The following OSBPL10 variants were observed in gnomAD, a reference collection of about 807,000 sequenced individuals.
The protein encoded by OSBPL10 is oxysterol-binding protein-related protein 10.
OSBPL10 carries 49 observed loss-of-function variants against 81.7 expected under a neutral mutation model. The observed-to-expected ratio is 0.60, with a 90% CI of 0.48 to 0.76. OSBPL10 has a LOEUF of 0.76. Among genes scored for constraint, OSBPL10 ranks in the 30% least tolerant of loss-of-function variants. The pLI is 0.00. For synonymous variants in OSBPL10, 419 were observed against 383.6 expected (o/e 1.09, Z -1.08); for missense variants, 923 against 987.8 (o/e 0.93, Z 0.88).
intron 2 of OSBPL10, among the ~76,000 whole-genome samples, chr3:31,992,416 C>T (rs917386857): frequency 6.6e-6 from 1 of 152,038 alleles, no homozygotes; most frequent in Non-Finnish European, 1.5e-5. Flanking sequence ...ATGGGTCTTA[C>T]ATGGTAAAAT....
intron 1 of OSBPL10, among the ~76,000 whole-genome samples, chr3:31,911,546 T>A (rs1696577346): frequency 6.6e-6 from 1 of 151,534 alleles, no homozygotes; most frequent in South Asian, 2.1e-4. Flanking sequence ...TGGACCACAT[T>A]GGAAGAAGAA....
At chr3:32,002,675 A>C (rs1246349536) in intron 2 of OSBPL10, among the ~76,000 whole-genome samples, 1 of 152,192 alleles carries the variant, frequency 6.6e-6, no homozygotes, top group African/African-American at 2.4e-5. Flanking sequence ...TTCAAACAGC[A>C]ATGTTTCTGA....
intron 4 of OSBPL10, among the ~76,000 whole-genome samples, chr3:31,757,564 G>A (rs1230205074): frequency 6.6e-6 from 1 of 152,152 alleles, no homozygotes; most frequent in African/African-American, 2.4e-5. Flanking sequence ...CTTTGTCTGT[G>A]GTACTTTGTT....
chr3:31,921,850 G>A (rs1696926356), intron 1 of OSBPL10, among the ~76,000 whole-genome samples: 1 of 152,314 alleles, frequency 6.6e-6, no homozygotes, highest in African/African-American at 2.4e-5. Context: ...AAGGTCAACA[G>A]CAACAATTAC....
chr3:31,987,702 C>T (rs1324296440), intron 2 of OSBPL10, among the ~76,000 whole-genome samples: 1 of 152,134 alleles, frequency 6.6e-6, no homozygotes, highest in Non-Finnish European at 1.5e-5. Flanking sequence ...GAGAGGAAGC[C>T]GGAAGGACCT....
chr3:31,696,789 C>CA, intron 7 of OSBPL10, among the ~76,000 whole-genome samples: 1 of 152,342 alleles, frequency 6.6e-6, no homozygotes, highest in East Asian at 1.9e-4. Flanking sequence ...TGACCACCAT[C>CA]TATACATTGT....
chr3:31,879,767 G>A lies in OSBPL10; in HGVS notation c.345C>T (p.His115=), dbSNP rs142248905. ...LQYFVNEQSK[H]QKPRGVLSLS... ...AAGACAGGACTCCTCGAGGCTTCTG[G>A]TGTTTGCTTTGCTCATTCACAAAAT... The change falls in exon 2 of 12, where the codon CAC becomes CAT. Residue 115 remains histidine, a synonymous_variant. Coordinates refer to ENST00000396556, the MANE Select transcript of OSBPL10 (RefSeq NM_017784.5). The A allele has an allele frequency of 6.2e-7, 1 of 1,614,178 alleles. No homozygotes were observed. The highest frequency in any genetic ancestry group is 8.5e-7 in the Non-Finnish European group (1 of 1,180,038).
At chr3:31,760,779 A>G (rs1457930413) in intron 4 of OSBPL10, among the ~76,000 whole-genome samples, 1 of 152,212 alleles carries the variant, frequency 6.6e-6, no homozygotes. Context: ...AATACTATTT[A>G]AAATACTGCA....
intron 1 of OSBPL10, among the ~76,000 whole-genome samples, chr3:31,909,982 CTTTTT>C (rs563373548): frequency 2.3e-5 from 3 of 129,298 alleles, no homozygotes; most frequent in Non-Finnish European, 4.8e-5. Context: ...GTCTCCTGGC[CTTTTT>C]TTTTTTTTTT....
At chr3:32,054,315 G>T (rs539175343) in intron 1 of OSBPL10, among the ~76,000 whole-genome samples, 1 of 151,922 alleles carries the variant, frequency 6.6e-6, no homozygotes, top group African/African-American at 2.4e-5. Flanking sequence ...TGGCTTATTT[G>T]GTATAAAAAT....
intron 1 of OSBPL10, among the ~76,000 whole-genome samples, chr3:32,056,590 T>C (rs1419851192): frequency 6.6e-6 from 1 of 152,240 alleles, no homozygotes; most frequent in Non-Finnish European, 1.5e-5. Context: ...TTGCCATACC[T>C]ACACTTTCTG....
At chr3:31,829,133 C>T (rs1195343105) in intron 4 of OSBPL10, among the ~76,000 whole-genome samples, 1 of 152,134 alleles carries the variant, frequency 6.6e-6, no homozygotes, top group Non-Finnish European at 1.5e-5. Flanking sequence ...CGGCAAGACC[C>T]TAGTCGAGGA....
upstream of OSBPL10, among the ~76,000 whole-genome samples, chr3:31,984,348 G>A (rs1002568650): frequency 6.9e-6 from 1 of 145,546 alleles, no homozygotes; most frequent in South Asian, 2.2e-4. Context: ...CCCACCTAAG[G>A]TTTTTTTTTT....
chr3:31,928,433 C>T (rs931357233), intron 1 of OSBPL10, among the ~76,000 whole-genome samples: 3 of 151,916 alleles, frequency 2.0e-5, no homozygotes, highest in African/African-American at 7.3e-5. Context: ...ACTCTTGATT[C>T]GGAGGACACA....
intron 7 of OSBPL10, among the ~76,000 whole-genome samples, chr3:31,690,672 C>T (rs1342691776): frequency 2.0e-5 from 3 of 152,110 alleles, no homozygotes; most frequent in Non-Finnish European, 2.9e-5. Flanking sequence ...TTTAAAATGA[C>T]GTGGCTTTGT....
At chr3:32,071,170 C>T (rs1440837605) in intron 1 of OSBPL10, among the ~76,000 whole-genome samples, 1 of 152,176 alleles carries the variant, frequency 6.6e-6, no homozygotes, top group Non-Finnish European at 1.5e-5. Context: ...TGTTACCTAC[C>T]TAAGTATAGT....
intron 1 of OSBPL10, among the ~76,000 whole-genome samples, chr3:31,911,808 T>G (rs1374571338): frequency 1.3e-5 from 2 of 152,134 alleles, no homozygotes; most frequent in East Asian, 3.9e-4. Flanking sequence ...AAGTTAGTCA[T>G]TCTCCTTCCA....
intron 3 of OSBPL10, among the ~76,000 whole-genome samples, chr3:31,840,418 G>T (rs1700463501): frequency 6.6e-6 from 1 of 152,222 alleles, no homozygotes. Flanking sequence ...ACGCCTACTT[G>T]TGTTTCCAAA....
chr3:31,787,007 A>G (rs1344726280), intron 4 of OSBPL10, among the ~76,000 whole-genome samples: 1 of 152,192 alleles, frequency 6.6e-6, no homozygotes, highest in Non-Finnish European at 1.5e-5. Flanking sequence ...AGAGAACATT[A>G]TCTGTTTGCC....
Sources: allele counts gnomAD v4.1 joint callset (sites outside exome capture counted in the v4.1 genomes callset), GRCh38; gene constraint gnomAD v4.1.1; transcripts MANE v1.5; gene names NCBI Gene and HGNC (gene_info 2026-07-23, HGNC 2026-07-21).